BBOX1: variants seen among roughly 807,000 people sequenced by gnomAD.
BBOX1 encodes the protein gamma-butyrobetaine hydroxylase 1.
In BBOX1, 35 loss-of-function variants were observed where a neutral mutation model predicts 41.6. The observed-to-expected ratio is 0.84, with a 90% CI of 0.64 to 1.11. BBOX1 has a LOEUF of 1.11. Among genes scored for constraint, BBOX1 ranks in the 50% most tolerant of loss-of-function variants. The pLI is 0.00. For missense variants in BBOX1, 458 were observed against 460.6 expected (o/e 0.99, Z 0.05); for synonymous variants, 163 against 154.7 (o/e 1.05, Z -0.40).
At chr11:27,070,545 C>A (rs1857411050) in intron 4 of BBOX1, among the ~76,000 whole-genome samples, 1 of 151,950 alleles carries the variant, frequency 6.6e-6, no homozygotes, top group Non-Finnish European at 1.5e-5. Context: ...AATATAGTTG[C>A]TTTAAAGTCT....
At chr11:27,043,420 T>TTTGGGGTACATGTGCAGAATGTGCAGGG (rs1851399542) in intron 2 of BBOX1, among the ~76,000 whole-genome samples, 2 of 151,480 alleles carry the variant, frequency 1.3e-5, no homozygotes, top group African/African-American at 2.4e-5. Context: ...AATGTGCACG[T>TTTGGGGTACATGTGCAGAATGTGCAGGG]TTGGGGTACA....
intron 2 of BBOX1, among the ~76,000 whole-genome samples, chr11:27,044,063 G>A (rs1219143049): frequency 1.3e-5 from 2 of 152,300 alleles, no homozygotes; most frequent in East Asian, 3.9e-4. Context: ...CCCACCAACA[G>A]TGTAAAAGTG....
intron 5 of BBOX1, among the ~76,000 whole-genome samples, chr11:27,109,393 T>C (rs994031706): frequency 6.6e-6 from 1 of 152,068 alleles, no homozygotes; most frequent in African/African-American, 2.4e-5. Context: ...AGACAGATTG[T>C]CCAAGATTAT....
intron 2 of BBOX1, among the ~76,000 whole-genome samples, chr11:27,052,827 T>C (rs1856858546): frequency 6.6e-6 from 1 of 152,144 alleles, no homozygotes; most frequent in African/African-American, 2.4e-5. Flanking sequence ...TTAGATTTTA[T>C]ACTTCCGCTT....
chr11:27,115,336 T>C, intron 5 of BBOX1, 116 bp from the exon 6 acceptor site: 1 of 762,220 alleles, frequency 1.3e-6, no homozygotes, highest in Non-Finnish European at 2.1e-6. Context: ...GTCATTATGG[T>C]AATTATTTCA....
chr11:27,069,701 GCTTTTAA>G (rs1273513545), intron 4 of BBOX1, among the ~76,000 whole-genome samples: 3 of 151,876 alleles, frequency 2.0e-5, no homozygotes, highest in African/African-American at 7.3e-5. Context: ...TTTAATTTTT[GCTTTTAA>G]CTTTTAAGTT....
chr11:27,102,619 T>C (rs1456234158), intron 5 of BBOX1, among the ~76,000 whole-genome samples: 1 of 152,052 alleles, frequency 6.6e-6, no homozygotes, highest in Admixed American at 6.6e-5. Flanking sequence ...TATCTTTTTT[T>C]CCTCCCCTAC....
intron 8 of BBOX1, 127 bp from the exon 9 acceptor site, chr11:27,127,166 T>C (rs1195183644): frequency 2.9e-6 from 3 of 1,037,292 alleles, no homozygotes; most frequent in Non-Finnish European, 1.4e-6. Flanking sequence ...TGCAGTTTCA[T>C]GTAAAGAAAT....
chr11:27,075,054 T>C (rs868663100), intron 4 of BBOX1, among the ~76,000 whole-genome samples: 55 of 152,232 alleles, frequency 3.6e-4, no homozygotes, highest in African/African-American at 1.3e-3. Flanking sequence ...TTTTTTATAC[T>C]TGCCAGAATT....
chr11:27,116,498 C>G (rs1859269471), intron 6 of BBOX1, among the ~76,000 whole-genome samples: 1 of 151,786 alleles, frequency 6.6e-6, no homozygotes, highest in South Asian at 2.1e-4. Flanking sequence ...TAACTCACTC[C>G]CTAACTTGAT....
Position 27,093,296 on chromosome 11 carries a change from G to T in BBOX1, c.463G>T (p.Ala155Ser). The change falls in exon 5 of 9, where the codon GCA becomes TCA. Residue 155 changes from alanine (A) to serine (S), a missense_variant. Ala to Ser is a moderately conservative substitution (Grantham distance 99). Transcript: ENST00000263182. ...KKVGIVRLTG[A>S]SDKPGEVSKL... Reference sequence around the variant, plus strand: ...AGTAGGCATAGTAAGACTCACCGGAGCATCTGACAAACCAGGAGAAGTTTC... The same window carrying T: ...AGTAGGCATAGTAAGACTCACCGGATCATCTGACAAACCAGGAGAAGTTTC... 6.2e-7 allele frequency: 1 copy of T among 1,612,552 alleles called. No individual in the cohort carries two copies. Among genetic ancestry groups the T allele is most frequent in the Non-Finnish European group, 8.5e-7 (1 of 1,179,040 alleles).
intron 5 of BBOX1, among the ~76,000 whole-genome samples, chr11:27,094,919 G>T (rs996949305): frequency 1.3e-5 from 2 of 151,944 alleles, no homozygotes; most frequent in Non-Finnish European, 2.9e-5. Flanking sequence ...AGGGGGAAAA[G>T]TCTCAAAATT....
intron 5 of BBOX1, among the ~76,000 whole-genome samples, chr11:27,100,699 T>C (rs965225619): frequency 2.6e-5 from 4 of 152,166 alleles, no homozygotes; most frequent in African/African-American, 9.6e-5. Flanking sequence ...TAATTAATAC[T>C]GCTGCCAACA....
chr11:27,092,590 G>T (rs747207986), intron 4 of BBOX1, among the ~76,000 whole-genome samples: 1 of 151,898 alleles, frequency 6.6e-6, no homozygotes, highest in Admixed American at 6.6e-5. Context: ...CCCACTAAAA[G>T]GTCTATGCAT....
chr11:27,065,032 G>C (rs559887248), intron 4 of BBOX1, among the ~76,000 whole-genome samples: 1 of 152,302 alleles, frequency 6.6e-6, no homozygotes, highest in South Asian at 2.1e-4. Context: ...CCCCTAACCT[G>C]ATGGTCTTTC....
chr11:27,057,113 A>G lies in BBOX1; in HGVS notation c.220-88A>G. 3 of 626,196 alleles carry G rather than the reference A, an allele frequency of 4.8e-6. No homozygotes were observed. The East Asian group carries it at 1.0e-4, about 21-fold the overall frequency. 38.8% of individuals were successfully genotyped at this position (626,196 alleles called of 1,614,324 possible). ...AAGCAAAGCATAATTGGATTCCCTG[A>G]TTATCTTAAACAGCATTCAAAAACA... On this transcript the variant is annotated intron_variant, in intron 3 of 8. Coordinates refer to ENST00000263182, the MANE Select transcript of BBOX1 (RefSeq NM_003986.3).
intron 5 of BBOX1, among the ~76,000 whole-genome samples, chr11:27,098,045 C>T (rs574755313): frequency 6.6e-6 from 1 of 152,076 alleles, no homozygotes; most frequent in South Asian, 2.1e-4. Flanking sequence ...TCTTTCTCTT[C>T]CTGCTTAACC....
At chr11:27,079,885 A>T (rs1462707115) in intron 4 of BBOX1, among the ~76,000 whole-genome samples, 2 of 152,118 alleles carry the variant, frequency 1.3e-5, no homozygotes, top group African/African-American at 4.8e-5. Flanking sequence ...CATCCAACTT[A>T]TTAGAAAGTT....
At position 27,115,535 on chromosome 11, in the gene BBOX1, C is replaced by A. The variant is rs779310521; in HGVS notation, c.617C>A (p.Pro206Gln). The change falls in exon 6 of 9, where the codon CCA (proline) becomes CAA (glutamine). Residue 206 changes from proline (P) to glutamine (Q), a missense_variant. Transcript: ENST00000263182. ...TGKLSFHTDY[P>Q]ALHHPPGVQL... ...AAGCTAAGCTTTCACACTGATTATC[C>A]AGCCCTCCATCATCCACCTGGGGTA... The A allele has an allele frequency of 6.2e-7, 1 of 1,610,270 alleles. No homozygotes were observed. The highest frequency in any genetic ancestry group is 8.5e-7 in the Non-Finnish European group (1 of 1,177,798).
Sources: allele counts gnomAD v4.1 joint callset (sites outside exome capture counted in the v4.1 genomes callset), GRCh38; gene constraint gnomAD v4.1.1; transcripts MANE v1.5; gene names NCBI Gene and HGNC (gene_info 2026-07-23, HGNC 2026-07-21).